Variants in CCDC3 observed in about 807,000 individuals in gnomAD.
CCDC3 encodes the protein coiled-coil domain-containing protein 3.
In CCDC3, 24 loss-of-function variants were observed where a neutral mutation model predicts 21.4. The ratio of observed to expected loss-of-function variants is 1.12; its 90% CI spans 0.81 to 1.58. The LOEUF is 1.58. Ranked by LOEUF, CCDC3 falls within the 40% of genes most tolerant of loss-of-function variation. The pLI is 0.00. For missense variants in CCDC3, 425 were observed against 360.9 expected (o/e 1.18, Z -1.44); for synonymous variants, 186 against 166.0 (o/e 1.12, Z -0.93).
intron 4 of CCDC3, among the ~76,000 whole-genome samples, chr10:13,061,132 C>T (rs1836752532): frequency 6.6e-6 from 1 of 152,098 alleles, no homozygotes; most frequent in East Asian, 1.9e-4. Context: ...AATGAGAGGA[C>T]AGTTGTGATT....
intron 5 of CCDC3, among the ~76,000 whole-genome samples, chr10:13,012,958 G>GA (rs1403332382): frequency 6.6e-6 from 1 of 151,910 alleles, no homozygotes; most frequent in Non-Finnish European, 1.5e-5. Flanking sequence ...TATTGCTGCC[G>GA]AAAAAATAAA....
chr10:12,950,072 C>T (rs1323668152), intron 2 of CCDC3, among the ~76,000 whole-genome samples: 1 of 152,202 alleles, frequency 6.6e-6, no homozygotes, highest in Non-Finnish European at 1.5e-5. Context: ...TCCATGCCTT[C>T]ACTCTGGCCA....
At chr10:12,909,005 C>G (rs990283601) in intron 2 of CCDC3, among the ~76,000 whole-genome samples, 17 of 152,156 alleles carry the variant, frequency 1.1e-4, no homozygotes, top group Non-Finnish European at 1.5e-5. Context: ...AGAAAATCCA[C>G]ATCACAGTGG....
chr10:12,949,288 G>C (rs912356369), intron 2 of CCDC3, among the ~76,000 whole-genome samples: 1 of 152,168 alleles, frequency 6.6e-6, no homozygotes, highest in African/African-American at 2.4e-5. Context: ...GTAAGTTTTG[G>C]CTATGGGATA....
intron 2 of CCDC3, among the ~76,000 whole-genome samples, chr10:12,965,588 G>C (rs143698568): frequency 1.1e-3 from 173 of 152,300 alleles, no homozygotes; most frequent in African/African-American, 4.0e-3. Context: ...CACATAGAAA[G>C]GCAAATATAT....
At chr10:13,052,021 G>A (rs924938434) in intron 4 of CCDC3, among the ~76,000 whole-genome samples, 1 of 152,014 alleles carries the variant, frequency 6.6e-6, no homozygotes, top group Non-Finnish European at 1.5e-5. Context: ...AAGATAGGAG[G>A]GCCCCTTTTA....
In CCDC3 at chr10:13,001,381, A is replaced by G. The variant is rs754774801; in HGVS notation, c.190T>C (p.Trp64Arg). Residue 64 changes from tryptophan to arginine, a missense_variant, in exon 1 of 3, where the codon TGG (tryptophan) becomes CGG (arginine). Trp to Arg is a moderately radical substitution (Grantham distance 101). Coordinates refer to ENST00000378825, the MANE Select transcript of CCDC3 (RefSeq NM_031455.4). ...EAPGLYNHLP[W>R]QYHAGQGGLF... is the part of the protein sequence containing the mutation. ...CCCCCCTGGCCGGCGTGGTACTGCCAGGGCAGGTGGTTGTAGAGGCCGGGC... is the reference window on the plus strand; with the variant it reads ...CCCCCCTGGCCGGCGTGGTACTGCCGGGGCAGGTGGTTGTAGAGGCCGGGC... 1 of 1,589,234 alleles carries G rather than the reference A, an allele frequency of 6.3e-7. No homozygotes were observed. Among genetic ancestry groups the G allele is most frequent in the Non-Finnish European group, 8.6e-7 (1 of 1,168,986 alleles).
intron 4 of CCDC3, among the ~76,000 whole-genome samples, chr10:13,069,085 A>C (rs973243313): frequency 6.6e-6 from 1 of 152,156 alleles, no homozygotes; most frequent in Non-Finnish European, 1.5e-5. Context: ...GAGAAACTCC[A>C]TCTCCACTAA....
At chr10:12,960,155 CACACACACACACA>C (rs1835157245) in intron 2 of CCDC3, among the ~76,000 whole-genome samples, 1 of 65,566 alleles carries the variant, frequency 1.5e-5, no homozygotes, top group Admixed American at 2.1e-4. Flanking sequence ...CTCCATTTCA[CACACACACACACA>C]ACACACACAC....
intron 2 of CCDC3, among the ~76,000 whole-genome samples, chr10:12,945,991 A>G (rs1834910665): frequency 1.3e-5 from 2 of 152,190 alleles, no homozygotes; most frequent in Admixed American, 6.5e-5. Context: ...GGTTTGGTTC[A>G]TGGGTGCATT....
intron 4 of CCDC3, chr10:13,058,582 G>A (rs763531815): frequency 4.4e-6 from 3 of 674,208 alleles, no homozygotes. Context: ...GCGTTTCTGG[G>A]CATAGTAATC....
intron 2 of CCDC3, among the ~76,000 whole-genome samples, chr10:12,964,129 T>C (rs1835223797): frequency 6.6e-6 from 1 of 151,968 alleles, no homozygotes; most frequent in Admixed American, 6.6e-5. Context: ...TTCCAACACT[T>C]TGGGAGGGTG....
At chr10:13,018,734 C>G (rs1199399673) in intron 5 of CCDC3, among the ~76,000 whole-genome samples, 1 of 150,078 alleles carries the variant, frequency 6.7e-6, no homozygotes, top group Non-Finnish European at 1.5e-5. Context: ...AGTTCGAGAC[C>G]AGCCTGGCCA....
rs562862911 is a variant in CCDC3 at position 12,967,353 on chromosome 10, T to C, written c.549+30985A>G. 3.3e-5 allele frequency among the ~76,000 whole-genome samples: 5 copies of C among 152,314 alleles called. No individual in the cohort carries two copies. In the East Asian group the frequency reaches 7.7e-4, roughly 23 times the overall value. On this transcript the variant is annotated intron_variant, in intron 2 of 2. Coordinates refer to ENST00000378825, the MANE Select transcript of CCDC3 (RefSeq NM_031455.4). Reference sequence around the variant, plus strand: ...AACTAACCACAAAGAAATTAAGATATGTGAACTGCCTAAGAATTCAAAATA... The same window carrying C: ...AACTAACCACAAAGAAATTAAGATACGTGAACTGCCTAAGAATTCAAAATA...
Position 12,898,659 on chromosome 10 carries a change from C to T in CCDC3, c.570G>A (p.Gln190=). 1 of 1,614,220 alleles carries T rather than the reference C, an allele frequency of 6.2e-7. No individual in the cohort carries two copies. The highest frequency in any genetic ancestry group is 8.5e-7 in the Non-Finnish European group (1 of 1,180,030). The change falls in exon 3 of 3, where the codon CAG becomes CAA. Residue 190 remains glutamine, a synonymous_variant. Transcript: ENST00000378825. ...EDSRLMCSSV[Q]KALFEEEDHV... ...GGTCCTCCTCCTCAAACAAGGCCTT[C>T]TGCACCGAGGAGCACATGAGCTGGA...
rs2131189921 is a variant in CCDC3 at position 12,897,794 on chromosome 10, CCTG to C, written c.*619_*621del. The C allele has an allele frequency of 6.6e-6, 1 of 152,354 alleles. No individual in the cohort carries two copies. Among genetic ancestry groups the C allele is most frequent in the South Asian group, 2.1e-4 (1 of 4,824 alleles). 9.4% of individuals were successfully genotyped at this position (152,354 alleles called of 1,614,324 possible). ...AGGTATAATTTATCTTGTTTAATTACCTGCTGCCCTGCTCCTAATTCCCTCCCC... is the reference window on the plus strand; with the variant it reads ...AGGTATAATTTATCTTGTTTAATTACCTGCCCTGCTCCTAATTCCCTCCCC... On this transcript the variant is annotated 3_prime_UTR_variant, in exon 3 of 3. Transcript: ENST00000378825.
chr10:13,001,097 A>C, intron 1 of CCDC3, 100 bp downstream of exon 1: 3 of 1,432,194 alleles, frequency 2.1e-6, no homozygotes, highest in Non-Finnish European at 2.8e-6. Flanking sequence ...CTTGACACCG[A>C]CAGGCTGCCC....
chr10:12,948,932 C>T (rs185843996), intron 2 of CCDC3, among the ~76,000 whole-genome samples: 17 of 151,922 alleles, frequency 1.1e-4, no homozygotes, highest in African/African-American at 2.7e-4. Flanking sequence ...AGGGTTTTAC[C>T]GTGTTAGCCA....
intron 2 of CCDC3, among the ~76,000 whole-genome samples, chr10:12,930,831 G>C (rs1834627681): frequency 6.6e-6 from 1 of 152,150 alleles, no homozygotes; most frequent in Admixed American, 6.5e-5. Flanking sequence ...CCCATTCTAG[G>C]GTACCTGGAG....
Sources: gnomAD v4.1 joint callset for allele counts (sites outside exome capture counted in the v4.1 genomes callset) on GRCh38, gnomAD v4.1.1 for gene constraint, MANE v1.5 for transcripts, NCBI Gene and HGNC (gene_info 2026-07-23, HGNC 2026-07-21) for gene names.